Variants in ADARB2 observed in about 807,000 individuals in gnomAD.
ADARB2 encodes the protein adenosine deaminase RNA specific B2 (inactive).
ADARB2 carries 25 observed loss-of-function variants against 62.2 expected under a neutral mutation model. That is an observed-to-expected ratio of 0.40 (90% CI 0.29 to 0.56). ADARB2 has a LOEUF of 0.56. Ranked by LOEUF, ADARB2 falls within the 20% of genes least tolerant of loss-of-function variation. ADARB2 has a pLI of 0.43. For synonymous variants in ADARB2, 572 were observed against 500.8 expected, an observed-to-expected ratio of 1.14 and a Z score of -1.90; for missense variants, 1,071 against 1,077.4, an observed-to-expected ratio of 0.99 and a Z score of 0.08.
At chr10:1,514,295 C>A (rs376536723) in intron 1 of ADARB2, among the ~76,000 whole-genome samples, 1 of 150,946 alleles carries the variant, frequency 6.6e-6, no homozygotes, top group African/African-American at 2.4e-5. Flanking sequence ...ACGGCTCTGA[C>A]GCTTTGGGAC....
chr10:1,360,818 G>A (rs1432156605), intron 3 of ADARB2, among the ~76,000 whole-genome samples: 1 of 152,256 alleles, frequency 6.6e-6, no homozygotes, highest in South Asian at 2.1e-4. Flanking sequence ...TCTAACTGAT[G>A]TGCTGCATTC....
At chr10:1,511,825 A>G (rs1321445991) in intron 1 of ADARB2, among the ~76,000 whole-genome samples, 2 of 151,800 alleles carry the variant, frequency 1.3e-5, no homozygotes, top group Non-Finnish European at 2.9e-5. Flanking sequence ...TGCTGTCTAC[A>G]CTGGATACTA....
chr10:1,535,094 T>C (rs1380736909), intron 1 of ADARB2: 1 of 166,576 alleles, frequency 6.0e-6, no homozygotes, highest in Non-Finnish European at 1.5e-5. Context: ...CGCCAACCCA[T>C]GGGTCCTCAA....
chr10:1,531,675 A>G (rs1832242504), intron 1 of ADARB2, among the ~76,000 whole-genome samples: 2 of 152,124 alleles, frequency 1.3e-5, no homozygotes, highest in Non-Finnish European at 2.9e-5. Context: ...TGACTCTACT[A>G]AAAATACAAA....
At chr10:1,573,953 A>G (rs932645830) in intron 1 of ADARB2, among the ~76,000 whole-genome samples, 1 of 152,236 alleles carries the variant, frequency 6.6e-6, no homozygotes, top group Admixed American at 6.5e-5. Context: ...CATGAACTAC[A>G]TCTCTTAACC....
At chr10:1,315,605 T>C (rs912148440) in intron 3 of ADARB2, among the ~76,000 whole-genome samples, 1 of 152,084 alleles carries the variant, frequency 6.6e-6, no homozygotes, top group African/African-American at 2.4e-5. Flanking sequence ...GGAAGGGAGG[T>C]GCCGTGGTTG....
At chr10:1,214,188 C>T (rs1161275465) in intron 7 of ADARB2, among the ~76,000 whole-genome samples, 2 of 151,388 alleles carry the variant, frequency 1.3e-5, no homozygotes, top group Non-Finnish European at 1.5e-5. Context: ...GACCTGCTGG[C>T]GTTGCATGGG....
intron 1 of ADARB2, among the ~76,000 whole-genome samples, chr10:1,481,301 C>T (rs1831467404): frequency 6.6e-6 from 1 of 152,132 alleles, no homozygotes; most frequent in African/African-American, 2.4e-5. Flanking sequence ...CAAAAACAAA[C>T]TCAAAATTGA....
At chr10:1,676,132 G>A (rs1341265617) in intron 1 of ADARB2, 3 of 869,862 alleles carry the variant, frequency 3.4e-6, no homozygotes, top group Non-Finnish European at 4.1e-6. Flanking sequence ...GCCATTTTGG[G>A]TCTTGGCAAA....
intron 1 of ADARB2, among the ~76,000 whole-genome samples, chr10:1,551,787 G>A (rs974653227): frequency 2.0e-5 from 3 of 152,304 alleles, no homozygotes; most frequent in South Asian, 2.1e-4. Context: ...AGGTCCTGCC[G>A]GGCTTCCGGC....
At chr10:1,464,358 C>A (rs77270405) in intron 1 of ADARB2, among the ~76,000 whole-genome samples, 1 of 35,214 alleles carries the variant, frequency 2.8e-5, no homozygotes, top group South Asian at 1.0e-3. Context: ...CGCGCGGGGG[C>A]CAGTCACAGC....
At chr10:1,689,861 C>A (rs1441884043) in intron 1 of ADARB2, among the ~76,000 whole-genome samples, 1 of 152,176 alleles carries the variant, frequency 6.6e-6, no homozygotes, top group African/African-American at 2.4e-5. Flanking sequence ...AAATAACAGT[C>A]CCCTCTACAG....
chr10:1,548,650 G>A (rs775436676), intron 1 of ADARB2, among the ~76,000 whole-genome samples: 7 of 152,216 alleles, frequency 4.6e-5, no homozygotes, highest in Non-Finnish European at 8.8e-5. Context: ...GATGTGAATT[G>A]CCGTCCAGTA....
chr10:1,289,177 C>G (rs1014272900), intron 3 of ADARB2, among the ~76,000 whole-genome samples: 3 of 152,220 alleles, frequency 2.0e-5, no homozygotes, highest in Non-Finnish European at 4.4e-5. Context: ...TTCTACTGAT[C>G]ATAACTCTTT....
intron 1 of ADARB2, among the ~76,000 whole-genome samples, chr10:1,405,414 G>A (rs1273965958): frequency 6.6e-6 from 1 of 152,070 alleles, no homozygotes; most frequent in East Asian, 1.9e-4. Context: ...AAGATTCAAT[G>A]TGGTCAGGAG....
rs1564333315 is a variant in ADARB2 at position 1,568,792 on chromosome 10, G to GTCCCTA, written c.100+168258_100+168259insTAGGGA. Among the ~76,000 whole-genome samples, 54 of 128,760 alleles carry GTCCCTA rather than the reference G, an allele frequency of 4.2e-4. 1 individual carries two copies. The South Asian group carries it at 0.012, about 29-fold the overall frequency. 84.5% of individuals were successfully genotyped at this position (128,760 alleles called of 152,430 possible). The stretch of plus-strand genomic sequence containing the variant: ...AACTTCTGTGTGCATATATCTATAT[G>GTCCCTA]TCTCTATCTCTATCTATCTATCTAT... On this transcript the variant is annotated intron_variant, in intron 1 of 9. Transcript: ENST00000381312.
chr10:1,672,735 G>T (rs11250721), intron 1 of ADARB2, among the ~76,000 whole-genome samples: 3,481 of 146,700 alleles, frequency 0.024, 85 homozygotes, highest in Middle Eastern at 0.039. Flanking sequence ...GCACCGCAAG[G>T]CTCCTGCCTC....
chr10:1,439,279 T>C (rs1367987923), intron 1 of ADARB2, among the ~76,000 whole-genome samples: 2 of 128,548 alleles, frequency 1.6e-5, no homozygotes, highest in African/African-American at 3.3e-5. Context: ...CCTCAGCAGA[T>C]GGAGGCAGGT....
chr10:1,256,925 C>T (rs995937617), intron 4 of ADARB2, among the ~76,000 whole-genome samples: 1 of 152,206 alleles, frequency 6.6e-6, no homozygotes, highest in African/African-American at 2.4e-5. Flanking sequence ...GGATGGCTGA[C>T]AAGGTCTCCT....
Sources: gnomAD v4.1 joint callset for allele counts (sites outside exome capture counted in the v4.1 genomes callset) on GRCh38, gnomAD v4.1.1 for gene constraint, MANE v1.5 for transcripts, NCBI Gene and HGNC (gene_info 2026-07-23, HGNC 2026-07-21) for gene names.